The following SPHKAP variants were observed in gnomAD, a reference collection of about 807,000 sequenced individuals.
SPHKAP encodes SPHK1 interactor, AKAP domain containing, also known as A-kinase anchor protein SPHKAP.
SPHKAP carries 67 observed loss-of-function variants against 137.5 expected under a neutral mutation model. The ratio of observed to expected loss-of-function variants is 0.49; its 90% CI spans 0.40 to 0.60. The LOEUF is 0.60. Ranked by LOEUF, SPHKAP falls within the 20% of genes least tolerant of loss-of-function variation. The probability of loss-of-function intolerance (pLI) is 0.00; values close to 1 mark genes in which losing one functional copy is unlikely to be tolerated. For synonymous variants in SPHKAP, 813 were observed against 785.3 expected, an observed-to-expected ratio of 1.04 and a Z score of -0.59; for missense variants, 2,097 against 2,069.3, an observed-to-expected ratio of 1.01 and a Z score of -0.26.
At chr2:228,087,544 A>G (rs1287190873) in intron 3 of SPHKAP, among the ~76,000 whole-genome samples, 1 of 152,168 alleles carries the variant, frequency 6.6e-6, no homozygotes. Flanking sequence ...TGCTTAAAGA[A>G]AAAAAGGTAA....
chr2:228,105,046 G>T (rs953610320), intron 3 of SPHKAP, among the ~76,000 whole-genome samples: 1 of 152,088 alleles, frequency 6.6e-6, no homozygotes, highest in Admixed American at 6.5e-5. Context: ...ATAGCTAACT[G>T]CAGCCTTGAA....
At chr2:228,129,742 A>G (rs79526860) in intron 2 of SPHKAP, among the ~76,000 whole-genome samples, 5,886 of 151,450 alleles carry the variant, frequency 0.039, 383 homozygotes, top group African/African-American at 0.13. Flanking sequence ...ACAAATATAT[A>G]TATATGCTAA....
At chr2:228,000,021 T>A (rs1223817157) in intron 7 of SPHKAP, among the ~76,000 whole-genome samples, 1 of 152,234 alleles carries the variant, frequency 6.6e-6, no homozygotes, top group Admixed American at 6.5e-5. Context: ...ATGACTAATA[T>A]CATACAGTAT....
chr2:228,159,421 T>TTGCAAAACTGCAAC (rs2106410897), intron 1 of SPHKAP, among the ~76,000 whole-genome samples: 1 of 152,176 alleles, frequency 6.6e-6, no homozygotes, highest in Non-Finnish European at 1.5e-5. Context: ...GAGGAGGGGC[T>TTGCAAAACTGCAAC]TGCAAAACTG....
chr2:228,010,675 T>A (rs1694334759), intron 7 of SPHKAP, among the ~76,000 whole-genome samples: 1 of 152,220 alleles, frequency 6.6e-6, no homozygotes, highest in African/African-American at 2.4e-5. Context: ...TTTCAATAAT[T>A]AATACGTTTT....
intron 3 of SPHKAP, among the ~76,000 whole-genome samples, chr2:228,047,599 C>A (rs895668371): frequency 1.3e-5 from 2 of 152,182 alleles, no homozygotes; most frequent in Admixed American, 1.3e-4. Context: ...TGTGTCCATT[C>A]ATTCATTCAT....
chr2:228,089,597 G>C (rs1431227150), intron 3 of SPHKAP, among the ~76,000 whole-genome samples: 2 of 152,216 alleles, frequency 1.3e-5, no homozygotes, highest in Non-Finnish European at 2.9e-5. Context: ...AGCAATTTTA[G>C]AAATCTTTGA....
chr2:228,042,645 G>A lies in SPHKAP; in HGVS notation c.247-15102C>T, dbSNP rs147416027. Among the ~76,000 whole-genome samples, 647 of 152,128 alleles carry A rather than the reference G, an allele frequency of 4.3e-3. 4 individuals are homozygous for A. Among genetic ancestry groups the A allele is most frequent in the African/African-American group, 0.015 (624 of 41,524 alleles). On this transcript the variant is annotated intron_variant, in intron 3 of 11. Transcript: ENST00000392056. ...TGAGATAGAATATTTATAAAGAACC[G>A]TCATTTCTGAGAACATAAAACAATT...
At position 228,096,893 on chromosome 2, in the gene SPHKAP, TA is replaced by T. The variant is rs369541825; in HGVS notation, c.246+11938del. 3.9e-5 allele frequency among the ~76,000 whole-genome samples: 6 copies of T among 152,018 alleles called. 1 individual carries two copies. Among genetic ancestry groups the T allele is most frequent in the African/African-American group, 1.2e-4 (5 of 41,480 alleles). ...AAATCATACTCTGGAGTCTCTAAACTAAAAAAAACATACATCCTGGGGGTGT... is the reference window on the plus strand; with the variant it reads ...AAATCATACTCTGGAGTCTCTAAACTAAAAAAACATACATCCTGGGGGTGT... On this transcript the variant is annotated intron_variant, in intron 3 of 11. Transcript: ENST00000392056.
intron 1 of SPHKAP, among the ~76,000 whole-genome samples, chr2:228,175,293 G>GT (rs148627469): frequency 0.044 from 6,635 of 151,674 alleles, 198 homozygotes; most frequent in Non-Finnish European, 0.064. Context: ...ATAAATGAAG[G>GT]TTTTTTTTCA....
chr2:228,062,250 A>G (rs1167788147), intron 3 of SPHKAP, among the ~76,000 whole-genome samples: 6 of 151,374 alleles, frequency 4.0e-5, no homozygotes, highest in Admixed American at 3.3e-4. Flanking sequence ...TCAGCCTCCC[A>G]AGTAGATGGG....
At chr2:228,075,714 G>C (rs1276820125) in intron 3 of SPHKAP, among the ~76,000 whole-genome samples, 2 of 152,190 alleles carry the variant, frequency 1.3e-5, no homozygotes, top group Non-Finnish European at 2.9e-5. Context: ...AAGTCATGCG[G>C]AAATGCTGCA....
intron 9 of SPHKAP, among the ~76,000 whole-genome samples, chr2:227,992,175 G>A (rs948513379): frequency 1.3e-5 from 2 of 152,148 alleles, no homozygotes; most frequent in Non-Finnish European, 2.9e-5. Flanking sequence ...GAGTACAGGA[G>A]CCCTCAAAAA....
intron 11 of SPHKAP, among the ~76,000 whole-genome samples, chr2:227,988,183 T>G (rs1693286149): frequency 6.6e-6 from 1 of 152,224 alleles, no homozygotes; most frequent in Non-Finnish European, 1.5e-5. Context: ...TAAGGGTTTT[T>G]TTTCTTTAAC....
intron 11 of SPHKAP, among the ~76,000 whole-genome samples, chr2:227,984,683 C>T (rs1693147663): frequency 6.6e-6 from 1 of 152,144 alleles, no homozygotes; most frequent in Non-Finnish European, 1.5e-5. Flanking sequence ...TTCCACTAAG[C>T]AGGCTTTTCC....
chr2:228,112,441 C>T (rs1698549345), intron 2 of SPHKAP, among the ~76,000 whole-genome samples: 2 of 152,228 alleles, frequency 1.3e-5, no homozygotes, highest in Non-Finnish European at 2.9e-5. Flanking sequence ...ACCATGGTTA[C>T]AACAAAATAT....
intron 1 of SPHKAP, chr2:228,172,940 G>A (rs1010405268): frequency 5.8e-6 from 4 of 687,712 alleles, no homozygotes; most frequent in Non-Finnish European, 7.2e-6. Flanking sequence ...CTTATATCAA[G>A]AAGAGCAAGT....
intron 3 of SPHKAP, among the ~76,000 whole-genome samples, chr2:228,105,124 A>G (rs73098625): frequency 0.01 from 1,531 of 152,286 alleles, 22 homozygotes; most frequent in African/African-American, 0.035. Flanking sequence ...ATGCACCACT[A>G]TGCCCAGCTA....
chr2:228,044,561 T>C (rs1197816601), intron 3 of SPHKAP, among the ~76,000 whole-genome samples: 1 of 152,168 alleles, frequency 6.6e-6, no homozygotes, highest in Non-Finnish European at 1.5e-5. Flanking sequence ...GACTGCCAAG[T>C]GTTGAGAGGT....
Sources: allele counts gnomAD v4.1 joint callset (sites outside exome capture counted in the v4.1 genomes callset), GRCh38; gene constraint gnomAD v4.1.1; transcripts MANE v1.5; gene names NCBI Gene and HGNC (gene_info 2026-07-23, HGNC 2026-07-21).